ZNF696: variants seen among roughly 807,000 people sequenced by gnomAD.
The protein encoded by ZNF696 is zinc finger protein 696.
A neutral mutation model predicts 12.3 loss-of-function variants in ZNF696; 10 were observed. The observed-to-expected ratio is 0.81, with a 90% confidence interval of 0.50 to 1.38. ZNF696 has a LOEUF of 1.38. Among genes scored for constraint, ZNF696 ranks in the 40% most tolerant of loss-of-function variants. The probability of loss-of-function intolerance (pLI) is 0.00; values close to 1 mark genes in which losing one functional copy is unlikely to be tolerated. For missense variants in ZNF696, 675 were observed against 554.7 expected, an observed-to-expected ratio of 1.22 and a Z score of -2.18; for synonymous variants, 304 against 243.9, an observed-to-expected ratio of 1.25 and a Z score of -2.29.
At chr8:143,293,106 C>A in intron 2 of ZNF696, 41 bp downstream of exon 2, 1 of 1,546,248 alleles carries the variant, frequency 6.5e-7, no homozygotes, top group Non-Finnish European at 8.9e-7. Context: ...AGTTCCAGGG[C>A]AGGAATTGAA....
chr8:143,295,953 C>A lies in ZNF696; in HGVS notation c.278C>A (p.Ser93Tyr). The part of the protein sequence containing the change: ...PGGSPRGPVT[S>Y]EKTGGQSGLE... ...GGTTCCCCTCGAGGCCCGGTCACTTCTGAGAAAACTGGAGGACAGAGTGGC... is the reference window on the plus strand; with the variant it reads ...GGTTCCCCTCGAGGCCCGGTCACTTATGAGAAAACTGGAGGACAGAGTGGC... Residue 93 changes from serine to tyrosine, a missense_variant, in exon 3 of 3, where the codon TCT becomes TAT. Coordinates refer to ENST00000330143, the MANE Select transcript of ZNF696 (RefSeq NM_030895.3). 1 of 1,572,224 alleles carries A rather than the reference C, an allele frequency of 6.4e-7. No individual in the cohort carries two copies. The highest frequency in any genetic ancestry group is 1.2e-5 in the South Asian group (1 of 86,614).
At position 143,297,775 on chromosome 8, in the gene ZNF696, G is replaced by A. The variant is rs531132430; in HGVS notation, c.*975G>A. ...CCCTGTGGGTTCTGCACTAGCTCCG[G>A]GCAATTGGTGACAGAATCGAGTTAA... is the stretch of plus-strand genomic sequence containing the variant. On this transcript the variant is annotated 3_prime_UTR_variant, in exon 3 of 3. Transcript: ENST00000330143. 1 of 152,326 alleles carries A rather than the reference G, an allele frequency of 6.6e-6. No individual in the cohort carries two copies. The highest frequency in any genetic ancestry group is 2.4e-5 in the African/African-American group (1 of 41,564). The allele number at this position is 152,326 out of a possible 1,614,324, so 9.4% of individuals were successfully genotyped here.
rs1038100234 is a variant in ZNF696 at position 143,296,126 on chromosome 8, A to C, written c.451A>C (p.Lys151Gln). 8 of 1,610,052 alleles carry C rather than the reference A, an allele frequency of 5.0e-6. No individual in the cohort carries two copies. The highest frequency in any genetic ancestry group is 5.9e-6 in the Non-Finnish European group (7 of 1,178,690). ...GCACCGGAGCATCCACTCGGGGGAG[A>C]AACCGTACGAGTGCAGCGACTGCGG... ...AKHRSIHSGE[K>Q]PYECSDCGKA... Residue 151 changes from lysine to glutamine, a missense_variant, in exon 3 of 3, where the codon AAA (lysine) becomes CAA (glutamine). Transcript: ENST00000330143.
At position 143,297,018 on chromosome 8, in the gene ZNF696, A is replaced by AT; in HGVS notation, c.*220dup. 2 of 470,632 alleles carry AT rather than the reference A, an allele frequency of 4.2e-6. No individual in the cohort carries two copies. The highest frequency in any genetic ancestry group is 3.5e-6 in the Non-Finnish European group (1 of 282,092). The allele number at this position is 470,632 out of a possible 1,614,324, so 29.2% of individuals were successfully genotyped here. A position where few individuals can be genotyped will look rare whatever the true frequency, so the allele number is the denominator to read the frequency against. On this transcript the variant is annotated 3_prime_UTR_variant, in exon 3 of 3. Coordinates refer to ENST00000330143, the MANE Select transcript of ZNF696 (RefSeq NM_030895.3). ...AGGCGAGCGCTGCCCGCGGGAGGCG[A>AT]TTCCCAGAGGCGGGGAGGTCTCAGG...
At position 143,296,692 on chromosome 8, in the gene ZNF696, C is replaced by T. The variant is rs756949408; in HGVS notation, c.1017C>T (p.His339=). 1.6e-5 allele frequency: 25 copies of T among 1,567,458 alleles called. No individual in the cohort carries two copies. The highest frequency in any genetic ancestry group is 2.1e-5 in the Non-Finnish European group (25 of 1,164,300). The change falls in exon 3 of 3, where the codon CAC becomes CAT. Residue 339 remains histidine (H), a synonymous_variant. Coordinates refer to ENST00000330143, the MANE Select transcript of ZNF696 (RefSeq NM_030895.3). ...GGGCGCTGTCGGGCTTCTTCCGGCA[C>T]CAGCGACTCCACACGGGCGAGAAGC... is the stretch of plus-strand genomic sequence containing the variant. The part of the protein sequence containing the change: ...AFRALSGFFR[H]QRLHTGEKPF...
chr8:143,293,040 C>T lies in ZNF696; in HGVS notation c.39C>T (p.Ser13=). The T allele has an allele frequency of 6.2e-7, 1 of 1,614,070 alleles. No individual in the cohort carries two copies. The highest frequency in any genetic ancestry group is 1.7e-5 in the Admixed American group (1 of 60,008). The change falls in exon 2 of 3, where the codon AGC becomes AGT. Residue 13 remains serine (S), a synonymous_variant. Transcript: ENST00000330143. ...PGGEPTGAKE[S]STLMESLAAV... is the part of the protein sequence containing the mutation. ...GAGAGCCCACAGGTGCTAAAGAGAG[C>T]AGTACCCTGATGGAGTCCCTTGCAG...
At chr8:143,294,320 C>A (rs1815671704) in intron 2 of ZNF696, among the ~76,000 whole-genome samples, 1 of 152,212 alleles carries the variant, frequency 6.6e-6, no homozygotes, top group Non-Finnish European at 1.5e-5. Context: ...CTGACCAGCG[C>A]CGCCGCCGCC....
chr8:143,294,115 GTCC>G (rs765728745), intron 2 of ZNF696, among the ~76,000 whole-genome samples: 2 of 152,200 alleles, frequency 1.3e-5, no homozygotes, highest in Non-Finnish European at 2.9e-5. Context: ...TCCTGGCTGA[GTCC>G]TCCTGCCTCC....
rs1815708043 is a variant in ZNF696 at position 143,296,176 on chromosome 8, C to CCA, written c.501_502insCA (p.Val168GlnfsTer194). The CCA allele has an allele frequency of 6.2e-7, 1 of 1,606,308 alleles. No homozygotes were observed. Among genetic ancestry groups the CCA allele is most frequent in the Non-Finnish European group, 8.5e-7 (1 of 1,178,114 alleles). The stretch of plus-strand genomic sequence containing the variant: ...GGAAGGCCTTCATCCACAGCTCGCA[C>CCA]GTGGTCCGGCACCAGCGGGCGCACA... On this transcript the variant is annotated frameshift_variant, in exon 3 of 3. Transcript: ENST00000330143. LOFTEE classifies it high-confidence loss of function.
intron 1 of ZNF696, among the ~76,000 whole-genome samples, chr8:143,292,440 G>T (rs371206577): frequency 1.6e-4 from 23 of 145,336 alleles, no homozygotes; most frequent in Admixed American, 7.5e-4. Flanking sequence ...TCCCTTTTTG[G>T]TTTTTTTTTT....
At position 143,299,611 on chromosome 8, in the gene ZNF696, G is replaced by A. The variant is rs1014614205; in HGVS notation, c.*2811G>A. On this transcript the variant is annotated 3_prime_UTR_variant, in exon 3 of 3. Coordinates refer to ENST00000330143, the MANE Select transcript of ZNF696 (RefSeq NM_030895.3). ...TGCACTCCAGACTGGACAACACAGT[G>A]AGAGCCCATAAAATAAATAAATGAA... Among the ~76,000 whole-genome samples, 1 of 152,174 alleles carries A rather than the reference G, an allele frequency of 6.6e-6. No individual in the cohort carries two copies. Among genetic ancestry groups the A allele is most frequent in the Non-Finnish European group, 1.5e-5 (1 of 68,034 alleles).
chr8:143,293,909 C>G (rs1815665744), intron 2 of ZNF696, among the ~76,000 whole-genome samples: 1 of 152,238 alleles, frequency 6.6e-6, no homozygotes, highest in Non-Finnish European at 1.5e-5. Context: ...AGCCTGCTCT[C>G]ATCTGCCCTG....
In ZNF696 at chr8:143,295,834, C is replaced by T; in HGVS notation, c.159C>T (p.Gly53=). 3.8e-6 allele frequency: 6 copies of T among 1,590,682 alleles called. No individual in the cohort carries two copies. The highest frequency in any genetic ancestry group is 1.7e-4 in the Middle Eastern group (1 of 5,822). ...GCACGGAGCCTGCCGCAGAGGCAGGCGCTCCCGAGGGAGAGGGCCACAGAG... is the reference window on the plus strand; with the variant it reads ...GCACGGAGCCTGCCGCAGAGGCAGGTGCTCCCGAGGGAGAGGGCCACAGAG... ...AQSTEPAAEA[G]APEGEGHRGG... The change falls in exon 3 of 3, where the codon GGC becomes GGT. Residue 53 remains glycine, a synonymous_variant. Coordinates refer to ENST00000330143, the MANE Select transcript of ZNF696 (RefSeq NM_030895.3).
chr8:143,293,154 C>T (rs550693181), intron 2 of ZNF696, 89 bp downstream of exon 2: 20 of 1,148,268 alleles, frequency 1.7e-5, no homozygotes, highest in South Asian at 7.8e-5. Context: ...CAGTCACTGA[C>T]GCAGAGCATA....
At chr8:143,293,204 C>A in intron 2 of ZNF696, 139 bp downstream of exon 2, 2 of 677,114 alleles carry the variant, frequency 3.0e-6, no homozygotes, top group Non-Finnish European at 5.1e-6. Flanking sequence ...GGGAGGTAAA[C>A]GCAGGCCCAT....
rs1563743410 is a variant in ZNF696, at chr8:143,292,966, A to C, written c.-30-6A>C. On this transcript the variant is annotated splice_region_variant and splice_polypyrimidine_tract_variant and intron_variant, in intron 1 of 2. Transcript: ENST00000330143. ...GATTTATTTTCCTTTTCTTTTACCT[A>C]AGCAGAAATTGTTCCAACTGCTGGT... 1.2e-6 allele frequency: 2 copies of C among 1,611,352 alleles called. No homozygotes were observed. The highest frequency in any genetic ancestry group is 1.7e-6 in the Non-Finnish European group (2 of 1,178,958).
rs1415152776 is a variant in ZNF696 at position 143,296,095 on chromosome 8, G to C, written c.420G>C (p.Ala140=). The change falls in exon 3 of 3, where the codon GCG becomes GCC. Residue 140 remains alanine (A), a synonymous_variant. Coordinates refer to ENST00000330143, the MANE Select transcript of ZNF696 (RefSeq NM_030895.3). ...GCAGCTTCAAGTGCTCCTCGGACGC[G>C]GCAAAGCACCGGAGCATCCACTCGG... ...CGRSFKCSSD[A]AKHRSIHSGE... is the part of the protein sequence containing the mutation. 3 of 1,604,836 alleles carry C rather than the reference G, an allele frequency of 1.9e-6. No homozygotes were observed. Among genetic ancestry groups the C allele is most frequent in the South Asian group, 1.1e-5 (1 of 90,350 alleles).
chr8:143,296,017 A>C lies in ZNF696; in HGVS notation c.342A>C (p.Ala114=). 1 of 1,595,994 alleles carries C rather than the reference A, an allele frequency of 6.3e-7. No individual in the cohort carries two copies. The highest frequency in any genetic ancestry group is 8.5e-7 in the Non-Finnish European group (1 of 1,170,938). The change falls in exon 3 of 3, where the codon GCA becomes GCC. Residue 114 remains alanine, a synonymous_variant. Transcript: ENST00000330143. ...SDVPPNAGPG[A]EGGGSWKGRP... ...TCCCTCCGAACGCAGGCCCCGGCGC[A>C]GAGGGCGGGGGCAGCTGGAAGGGGC...
intron 2 of ZNF696, among the ~76,000 whole-genome samples, chr8:143,294,704 T>A (rs1815678856): frequency 6.6e-6 from 1 of 151,886 alleles, no homozygotes; most frequent in Admixed American, 6.6e-5. Context: ...GACGCTCCTG[T>A]TTGCACATAA....
Sources: gnomAD v4.1 joint callset for allele counts (sites outside exome capture counted in the v4.1 genomes callset) on GRCh38, gnomAD v4.1.1 for gene constraint, MANE v1.5 for transcripts, NCBI Gene and HGNC (gene_info 2026-07-23, HGNC 2026-07-21) for gene names.